CSNK1G3: variants seen among roughly 807,000 people sequenced by gnomAD.
The protein encoded by CSNK1G3 is casein kinase 1 gamma 3, also known as casein kinase I isoform gamma-3.
Under a neutral mutation model 64.3 loss-of-function variants are expected in CSNK1G3, and 23 were observed. That is an observed-to-expected ratio of 0.36 (90% CI 0.26 to 0.51). The LOEUF is 0.51. Ranked by LOEUF, CSNK1G3 falls within the 20% of genes least tolerant of loss-of-function variation. The pLI, the probability that CSNK1G3 is intolerant of heterozygous loss-of-function variation, is 0.96. For missense variants in CSNK1G3, 357 were observed against 510.5 expected, an observed-to-expected ratio of 0.70 and a Z score of 2.90; for synonymous variants, 158 against 162.2, an observed-to-expected ratio of 0.97 and a Z score of 0.20.
At chr5:123,574,960 A>G (rs1788884577) in intron 5 of CSNK1G3, among the ~76,000 whole-genome samples, 1 of 152,196 alleles carries the variant, frequency 6.6e-6, no homozygotes, top group African/African-American at 2.4e-5. Flanking sequence ...TATGCTGCAA[A>G]GTTTGTTAAA....
intron 3 of CSNK1G3, among the ~76,000 whole-genome samples, chr5:123,555,108 A>T (rs1325587889): frequency 6.6e-6 from 1 of 152,036 alleles, no homozygotes; most frequent in African/African-American, 2.4e-5. Context: ...TTTTAGGGGG[A>T]AACATTCTTC....
exon 1 of CSNK1G3, chr5:123,512,220 G>A (rs1199444153): frequency 1.3e-5 from 2 of 152,162 alleles, no homozygotes; most frequent in Non-Finnish European, 2.9e-5. Context: ...GATGCCCGAG[G>A]CAGAAGGATG....
In CSNK1G3 at chr5:123,552,627, T is replaced by C. The variant is rs1350563269; in HGVS notation, c.179-480T>C. Among the ~76,000 whole-genome samples, 11 of 152,202 alleles carry C rather than the reference T, an allele frequency of 7.2e-5. No homozygotes were observed. In the South Asian group the frequency reaches 1.7e-3, roughly 23 times the overall value. On this transcript the variant is annotated intron_variant, in intron 2 of 12. Transcript: ENST00000345990. ...GCCAATTATTGAATGTTTTTAAATA[T>C]TATTTCAGATATTTTATGTTTATTT...
intron 1 of CSNK1G3, among the ~76,000 whole-genome samples, chr5:123,518,873 C>T (rs568060998): frequency 6.6e-6 from 1 of 152,300 alleles, no homozygotes; most frequent in African/African-American, 2.4e-5. Context: ...GATTCTCGTG[C>T]TTCAGCGTCC....
At chr5:123,531,214 C>T (rs948179949) in intron 1 of CSNK1G3, among the ~76,000 whole-genome samples, 31 of 151,932 alleles carry the variant, frequency 2.0e-4, no homozygotes, top group Non-Finnish European at 4.1e-4. Context: ...TACTTGTAAA[C>T]AATATTGAAT....
At chr5:123,518,157 A>C (rs1777506487) in intron 1 of CSNK1G3, among the ~76,000 whole-genome samples, 1 of 152,144 alleles carries the variant, frequency 6.6e-6, no homozygotes, top group African/African-American at 2.4e-5. Context: ...GCTGGGGTAG[A>C]GGAGATTGTT....
At position 123,557,486 on chromosome 5, in the gene CSNK1G3, T is replaced by C; in HGVS notation, c.220-9T>C. 1 of 1,600,922 alleles carries C rather than the reference T, an allele frequency of 6.2e-7. No homozygotes were observed. The highest frequency in any genetic ancestry group is 2.2e-5 in the East Asian group (1 of 44,538). On this transcript the variant is annotated splice_polypyrimidine_tract_variant and intron_variant, in intron 3 of 12. Transcript: ENST00000345990. ...CTTAAATGTCTTTTTTTGTTTGTTT[T>C]TCAATTAGGAGCCCATGAAATCAAG...
At chr5:123,599,546 A>G (rs1794072996) in intron 10 of CSNK1G3, among the ~76,000 whole-genome samples, 1 of 152,230 alleles carries the variant, frequency 6.6e-6, no homozygotes. Flanking sequence ...AACGTGATTA[A>G]AAGTCTAGAG....
chr5:123,601,441 A>G (rs1387767851), intron 10 of CSNK1G3, among the ~76,000 whole-genome samples: 1 of 152,146 alleles, frequency 6.6e-6, no homozygotes, highest in Non-Finnish European at 1.5e-5. Context: ...GCCTTTACTG[A>G]GAGGATTGGG....
chr5:123,595,707 T>C (rs911235234), intron 10 of CSNK1G3, among the ~76,000 whole-genome samples: 3 of 152,110 alleles, frequency 2.0e-5, no homozygotes, highest in Admixed American at 2.0e-4. Flanking sequence ...ATTGTATGGC[T>C]TTTTAGATAA....
intron 1 of CSNK1G3, among the ~76,000 whole-genome samples, chr5:123,521,939 T>A (rs1287792440): frequency 3.9e-5 from 6 of 152,146 alleles, no homozygotes; most frequent in Non-Finnish European, 7.4e-5. Context: ...TGGAAAGGGC[T>A]AGGGCATTGA....
chr5:123,588,147 C>A, exon 7 of CSNK1G3: 1 of 1,596,930 alleles, frequency 6.3e-7, no homozygotes, highest in South Asian at 1.1e-5. Context: ...CTTGGCAAGG[C>A]TTAAAGGTAA....
intron 6 of CSNK1G3, among the ~76,000 whole-genome samples, chr5:123,579,994 G>A (rs1001407733): frequency 6.6e-6 from 1 of 151,968 alleles, no homozygotes; most frequent in African/African-American, 2.4e-5. Context: ...AAAGCATTTG[G>A]CAAATTGCGA....
At chr5:123,586,486 C>T (rs1181687582) in intron 6 of CSNK1G3, among the ~76,000 whole-genome samples, 15 of 152,006 alleles carry the variant, frequency 9.9e-5, no homozygotes, top group Admixed American at 4.6e-4. Context: ...GACTTTAAGG[C>T]CACTACTTAT....
chr5:123,614,240 C>A, intron 12 of CSNK1G3, 102 bp from the exon 14 acceptor site: 1 of 1,083,178 alleles, frequency 9.2e-7, no homozygotes, highest in Non-Finnish European at 1.3e-6. Context: ...TTATCTTGCA[C>A]TAGCCTGTTG....
chr5:123,549,113 A>G lies in CSNK1G3; in HGVS notation c.178+3272A>G, dbSNP rs548504263. Among the ~76,000 whole-genome samples the G allele has an allele frequency of 2.0e-5, 3 of 152,278 alleles. No individual in the cohort carries two copies. The East Asian group carries it at 5.8e-4, about 29-fold the overall frequency. On this transcript the variant is annotated intron_variant, in intron 2 of 12. Transcript: ENST00000345990. ...ATAAAGTTGAAATATCTCAAATTGA[A>G]CCATCATAGTTGAGAACTTCTGTGT...
intron 1 of CSNK1G3, among the ~76,000 whole-genome samples, chr5:123,528,382 G>T (rs2150063002): frequency 1.3e-5 from 2 of 152,238 alleles, no homozygotes; most frequent in East Asian, 3.9e-4. Flanking sequence ...CTAAGAGGTT[G>T]TTCATTCATT....
At chr5:123,590,496 G>T in exon 9 of CSNK1G3, 2 of 1,543,514 alleles carry the variant, frequency 1.3e-6, no homozygotes, top group South Asian at 2.6e-5. Flanking sequence ...GCTTTTTACT[G>T]ACTTGTTTGA....
At chr5:123,602,952 C>T (rs1794745063) in intron 10 of CSNK1G3, among the ~76,000 whole-genome samples, 2 of 152,034 alleles carry the variant, frequency 1.3e-5, no homozygotes, top group South Asian at 4.1e-4. Flanking sequence ...TGCTACTGTT[C>T]ACCATTTCAT....
Sources: allele counts gnomAD v4.1 joint callset (sites outside exome capture counted in the v4.1 genomes callset), GRCh38; gene constraint gnomAD v4.1.1; transcripts MANE v1.5; gene names NCBI Gene and HGNC (gene_info 2026-07-23, HGNC 2026-07-21).